Variants in LAMC3 observed in about 807,000 individuals in gnomAD.
The protein encoded by LAMC3 is laminin subunit gamma 3, also known as laminin subunit gamma-3.
LAMC3 carries 128 observed loss-of-function variants against 173.8 expected under a neutral mutation model. That is an observed-to-expected ratio of 0.74 (90% CI 0.64 to 0.85). LAMC3 has a LOEUF of 0.85. Ranked by LOEUF, LAMC3 falls within the 40% of genes least tolerant of loss-of-function variation. The pLI, the probability that LAMC3 is intolerant of heterozygous loss-of-function variation, is 0.00. For synonymous variants in LAMC3, 897 were observed against 909.1 expected, an observed-to-expected ratio of 0.99 and a Z score of 0.24; for missense variants, 2,022 against 2,156.0, an observed-to-expected ratio of 0.94 and a Z score of 1.23.
chr9:131,061,098 A>G lies in LAMC3; in HGVS notation c.2222A>G (p.Tyr741Cys), dbSNP rs750491187. 6.8e-6 allele frequency: 11 copies of G among 1,613,962 alleles called. No individual in the cohort carries two copies. Among genetic ancestry groups the G allele is most frequent in the South Asian group, 1.1e-5 (1 of 91,074 alleles). Residue 741 changes from tyrosine (Y) to cysteine (C), a missense_variant, in exon 13 of 28, where the codon TAT becomes TGT. By Grantham distance (194) the Tyr-to-Cys change is radical. Coordinates refer to ENST00000361069, the MANE Select transcript of LAMC3 (RefSeq NM_006059.4). ...PSCERCLPGF[Y>C]GNPFAGQADD... ...TGTGAACGCTGTTTGCCAGGTTTCT[A>G]TGGCAACCCTTTCGCGGGCCAAGCC... is the stretch of plus-strand genomic sequence containing the variant.
chr9:131,044,509 C>CA (rs988366716), intron 7 of LAMC3, among the ~76,000 whole-genome samples: 8 of 151,564 alleles, frequency 5.3e-5, no homozygotes, highest in Non-Finnish European at 7.4e-5. Context: ...GACTTCGTCT[C>CA]AAAAAAAAAT....
chr9:131,041,098 G>C (rs1016208556), intron 6 of LAMC3, among the ~76,000 whole-genome samples: 1 of 152,144 alleles, frequency 6.6e-6, no homozygotes, highest in Non-Finnish European at 1.5e-5. Context: ...CGAGCACGGT[G>C]GCTCATGTAT....
At chr9:131,070,250 T>C (rs1303791535) in intron 17 of LAMC3, among the ~76,000 whole-genome samples, 1 of 152,136 alleles carries the variant, frequency 6.6e-6, no homozygotes, top group East Asian at 1.9e-4. Context: ...CCCATTGGGG[T>C]TCCCCTCCCC....
At chr9:131,022,215 AAC>A (rs56948132) in intron 1 of LAMC3, among the ~76,000 whole-genome samples, 104 of 144,512 alleles carry the variant, frequency 7.2e-4, no homozygotes, top group Admixed American at 4.2e-4. Flanking sequence ...TGTGGATGAA[AAC>A]ACACACACAC....
At chr9:131,060,769 GGTT>G (rs1447185690) in intron 12 of LAMC3, among the ~76,000 whole-genome samples, 2 of 152,128 alleles carry the variant, frequency 1.3e-5, no homozygotes, top group African/African-American at 4.8e-5. Flanking sequence ...TCAGTGCTGT[GGTT>G]GTTCCCATTT....
chr9:131,050,618 G>A (rs1336012967), intron 9 of LAMC3, among the ~76,000 whole-genome samples: 1 of 151,950 alleles, frequency 6.6e-6, no homozygotes, highest in Non-Finnish European at 1.5e-5. Context: ...GTACAAAAAA[G>A]TTAGCCAGAC....
chr9:131,046,135 A>T (rs1036638153), intron 8 of LAMC3, among the ~76,000 whole-genome samples: 1 of 150,802 alleles, frequency 6.6e-6, no homozygotes, highest in Admixed American at 6.6e-5. Flanking sequence ...CTGAGGCCAC[A>T]TAACAGTTGT....
intron 1 of LAMC3, among the ~76,000 whole-genome samples, chr9:131,013,457 G>A (rs1432325868): frequency 1.3e-5 from 2 of 152,200 alleles, no homozygotes; most frequent in African/African-American, 4.8e-5. Context: ...CCTGCATGGA[G>A]TTGACTTCTT....
intron 17 of LAMC3, among the ~76,000 whole-genome samples, chr9:131,070,638 G>A (rs1479733806): frequency 2.0e-5 from 3 of 152,134 alleles, no homozygotes; most frequent in Admixed American, 1.3e-4. Context: ...TTGAACCCAG[G>A]AGGCGGAGGT....
chr9:131,041,984 C>A (rs1353242743), intron 7 of LAMC3, among the ~76,000 whole-genome samples: 1 of 151,410 alleles, frequency 6.6e-6, no homozygotes, highest in Admixed American at 6.6e-5. Flanking sequence ...AAATACATGT[C>A]TTAGCTTAGA....
At chr9:131,088,040 C>T (rs1830361329) in intron 27 of LAMC3, among the ~76,000 whole-genome samples, 1 of 152,214 alleles carries the variant, frequency 6.6e-6, no homozygotes, top group Admixed American at 6.5e-5. Context: ...CTTTGAGTAA[C>T]TGTTTGTGCC....
chr9:131,012,136 C>T (rs959600854), intron 1 of LAMC3, among the ~76,000 whole-genome samples: 2 of 151,924 alleles, frequency 1.3e-5, no homozygotes, highest in East Asian at 1.9e-4. Flanking sequence ...CCTGTTTTGT[C>T]GCCGAAAACC....
Position 131,082,087 on chromosome 9 carries a change from C to G in LAMC3, c.3956C>G (p.Thr1319Ser). 5 of 1,613,958 alleles carry G rather than the reference C, an allele frequency of 3.1e-6. No individual in the cohort carries two copies. The highest frequency in any genetic ancestry group is 4.2e-6 in the Non-Finnish European group (5 of 1,179,924). Residue 1319 changes from threonine to serine, a missense_variant, in exon 24 of 28, where the codon ACC (threonine) becomes AGC (serine). Thr to Ser is a moderately conservative substitution (Grantham distance 58, BLOSUM62 1). Coordinates refer to ENST00000361069, the MANE Select transcript of LAMC3 (RefSeq NM_006059.4). ...CACCAGGAGGCCAGAGCCGCCCTGA[C>G]CCAGGCTTCCTCATCTGTCCAGGCT... ...KLHQEARAAL[T>S]QASSSVQAAT... is the part of the protein sequence containing the mutation.
At chr9:131,042,204 T>C (rs1438684278) in intron 7 of LAMC3, among the ~76,000 whole-genome samples, 1 of 146,022 alleles carries the variant, frequency 6.8e-6, no homozygotes, top group Non-Finnish European at 1.5e-5. Context: ...ACTCATGGAG[T>C]ATTATCAACG....
Position 131,032,534 on chromosome 9 carries a change from G to GTCTCTCTCTCTTGCTCTCTCTCGC in LAMC3, c.809+369_809+392dup, listed in dbSNP as rs1363281529. ...TCTCTCTCTCTTGCTCTCTCTCGCTGTCTCTCTCTCTTGCTCTCTCTCGCT... is the reference window on the plus strand; with the variant it reads ...TCTCTCTCTCTTGCTCTCTCTCGCTGTCTCTCTCTCTTGCTCTCTCTCGCTCTCTCTCTCTTGCTCTCTCTCGCT... On this transcript the variant is annotated intron_variant, in intron 3 of 27. Transcript: ENST00000361069. 9.6e-3 allele frequency among the ~76,000 whole-genome samples: 565 copies of GTCTCTCTCTCTTGCTCTCTCTCGC among 58,892 alleles called. 5 individuals are homozygous for GTCTCTCTCTCTTGCTCTCTCTCGC. The highest frequency in any genetic ancestry group is 0.017 in the Non-Finnish European group (386 of 22,500). 38.6% of individuals were successfully genotyped at this position (58,892 alleles called of 152,430 possible). A position where few individuals can be genotyped will look rare whatever the true frequency, so the allele number is the denominator to read the frequency against.
intron 1 of LAMC3, among the ~76,000 whole-genome samples, chr9:131,012,571 C>A (rs1833440141): frequency 6.6e-6 from 1 of 152,240 alleles, no homozygotes. Flanking sequence ...CGCCGGGGGC[C>A]CAGCGCAGCC....
At chr9:131,067,313 G>A (rs888621120) in intron 14 of LAMC3, 108 bp downstream of exon 14, 2 of 1,447,924 alleles carry the variant, frequency 1.4e-6, no homozygotes, top group Admixed American at 3.4e-5. Context: ...GAACCAGCTG[G>A]CTCCTCTGCA....
chr9:131,076,984 GC>G (rs1162114295), intron 21 of LAMC3, among the ~76,000 whole-genome samples: 1 of 152,232 alleles, frequency 6.6e-6, no homozygotes, highest in Non-Finnish European at 1.5e-5. Flanking sequence ...CAAGAATGTG[GC>G]CCTTTCACAG....
In LAMC3 at chr9:131,046,516, G is replaced by GTTTTTTTTTTTTTTTTTTTTT. The variant is rs1443313320; in HGVS notation, c.1519+857_1519+858insTTTTTTTTTTTTTTTTTTTTT. 1.0e-4 allele frequency among the ~76,000 whole-genome samples: 4 copies of GTTTTTTTTTTTTTTTTTTTTT among 38,756 alleles called. 1 individual carries two copies. Among genetic ancestry groups the GTTTTTTTTTTTTTTTTTTTTT allele is most frequent in the Non-Finnish European group, 1.6e-4 (3 of 18,262 alleles). 25.4% of individuals were successfully genotyped at this position (38,756 alleles called of 152,430 possible). Reference sequence around the variant, plus strand: ...GCACCACCATGCCGAGCTAATTTTTGTATTTTTTTTTTTTTTTTTTTTTTT... The same window carrying GTTTTTTTTTTTTTTTTTTTTT: ...GCACCACCATGCCGAGCTAATTTTTGTTTTTTTTTTTTTTTTTTTTTTATTTTTTTTTTTTTTTTTTTTTTT... On this transcript the variant is annotated intron_variant, in intron 8 of 27. Coordinates refer to ENST00000361069, the MANE Select transcript of LAMC3 (RefSeq NM_006059.4).
Sources: allele counts gnomAD v4.1 joint callset (sites outside exome capture counted in the v4.1 genomes callset), GRCh38; gene constraint gnomAD v4.1.1; transcripts MANE v1.5; gene names NCBI Gene and HGNC (gene_info 2026-07-23, HGNC 2026-07-21).